The following C10orf90 variants were observed in gnomAD, a reference collection of about 807,000 sequenced individuals.
C10orf90 encodes (E2-independent) E3 ubiquitin-conjugating enzyme FATS.
A neutral mutation model predicts 62.5 loss-of-function variants in C10orf90; 56 were observed. The observed-to-expected ratio is 0.90, with a 90% confidence interval of 0.72 to 1.12. The LOEUF (loss-of-function observed/expected upper bound fraction) is 1.12, where lower values mean the gene tolerates loss of function less well. C10orf90 is among the 50% of genes most tolerant of loss of function. The pLI, the probability that C10orf90 is intolerant of heterozygous loss-of-function variation, is 0.00. For missense variants in C10orf90, 970 were observed against 880.4 expected, an observed-to-expected ratio of 1.10 and a Z score of -1.29; for synonymous variants, 386 against 340.4, an observed-to-expected ratio of 1.13 and a Z score of -1.47.
chr10:126,608,963 T>C (rs1263597321), intron 2 of C10orf90, among the ~76,000 whole-genome samples: 1 of 152,188 alleles, frequency 6.6e-6, no homozygotes, highest in Non-Finnish European at 1.5e-5. Context: ...TTAAAGAGTA[T>C]ATAGGAGTTC....
intron 2 of C10orf90, among the ~76,000 whole-genome samples, chr10:126,642,363 T>C (rs1846079645): frequency 6.6e-6 from 1 of 151,994 alleles, no homozygotes; most frequent in South Asian, 2.1e-4. Context: ...AAACCCCGTC[T>C]CTACTAAAAA....
At chr10:126,475,080 T>A (rs1860786536) in intron 4 of C10orf90, among the ~76,000 whole-genome samples, 1 of 152,214 alleles carries the variant, frequency 6.6e-6, no homozygotes, top group African/African-American at 2.4e-5. Context: ...ATGTCACCTG[T>A]GCTGAGCAGT....
chr10:126,433,511 A>G (rs1205316491), intron 7 of C10orf90, among the ~76,000 whole-genome samples: 1 of 152,136 alleles, frequency 6.6e-6, no homozygotes, highest in Non-Finnish European at 1.5e-5. Flanking sequence ...ACCTGCCTGC[A>G]GCAAGAGATG....
At chr10:126,628,015 T>TA (rs912652473) in intron 2 of C10orf90, among the ~76,000 whole-genome samples, 12 of 152,066 alleles carry the variant, frequency 7.9e-5, no homozygotes, top group African/African-American at 2.9e-4. Flanking sequence ...AAGTGTCTCT[T>TA]AAAAAAAAGT....
intron 4 of C10orf90, among the ~76,000 whole-genome samples, chr10:126,500,628 T>C (rs1591021045): frequency 6.6e-6 from 1 of 152,046 alleles, no homozygotes; most frequent in Non-Finnish European, 1.5e-5. Context: ...TGCTTACCAG[T>C]AGTAGAGATG....
intron 7 of C10orf90, among the ~76,000 whole-genome samples, chr10:126,458,201 T>C (rs755239270): frequency 5.3e-5 from 8 of 152,184 alleles, no homozygotes; most frequent in African/African-American, 1.9e-4. Flanking sequence ...CTGCACTTTA[T>C]TGAACATGGT....
intron 2 of C10orf90, among the ~76,000 whole-genome samples, chr10:126,573,856 C>G (rs528578075): frequency 5.1e-4 from 77 of 152,140 alleles, no homozygotes; most frequent in South Asian, 2.5e-3. Flanking sequence ...CCTGCATAAA[C>G]AGTGGCTACT....
chr10:126,662,202 T>A (rs915067107), intron 1 of C10orf90, among the ~76,000 whole-genome samples: 1 of 152,176 alleles, frequency 6.6e-6, no homozygotes, highest in South Asian at 2.1e-4. Flanking sequence ...AGGGTAGCCT[T>A]TACTGAGGCT....
At chr10:126,444,878 G>A (rs1247043370) in intron 7 of C10orf90, among the ~76,000 whole-genome samples, 1 of 152,008 alleles carries the variant, frequency 6.6e-6, no homozygotes, top group Non-Finnish European at 1.5e-5. Context: ...AATACTTACA[G>A]CCACTGATCT....
intron 2 of C10orf90, among the ~76,000 whole-genome samples, chr10:126,582,632 T>A (rs1844777510): frequency 6.6e-6 from 1 of 152,178 alleles, no homozygotes. Flanking sequence ...GGCAAATATA[T>A]AACAATGTAA....
chr10:126,620,745 A>G (rs1845628976), intron 2 of C10orf90, among the ~76,000 whole-genome samples: 1 of 121,176 alleles, frequency 8.3e-6, no homozygotes, highest in Non-Finnish European at 1.9e-5. Context: ...GGGGGCTAGA[A>G]AAAAAAAAAA....
intron 7 of C10orf90, among the ~76,000 whole-genome samples, chr10:126,447,821 T>C (rs1025014435): frequency 3.1e-5 from 4 of 128,446 alleles, no homozygotes; most frequent in Non-Finnish European, 4.8e-5. Flanking sequence ...ATAGAAATCA[T>C]ATCAAGTATC....
In C10orf90 at chr10:126,500,605, G is replaced by A. The variant is rs752222421; in HGVS notation, c.1534+3352C>T. 2.0e-5 allele frequency among the ~76,000 whole-genome samples: 3 copies of A among 152,060 alleles called. No homozygotes were observed. The South Asian group carries it at 6.2e-4, about 32-fold the overall frequency. On this transcript the variant is annotated intron_variant, in intron 4 of 9. Transcript: ENST00000488181. ...AGATTTGCCCAATGCCCACCTACTT[G>A]GTGCTATCTGAATGCTTACCAGTAG... is the stretch of plus-strand genomic sequence containing the variant.
chr10:126,496,724 T>C, intron 4 of C10orf90: 1 of 985,158 alleles, frequency 1.0e-6, no homozygotes, highest in Non-Finnish European at 1.2e-6. Context: ...AATATGGGGA[T>C]GGGGAAAGGT....
At chr10:126,657,751 G>A (rs975943381) in intron 1 of C10orf90, among the ~76,000 whole-genome samples, 1 of 151,936 alleles carries the variant, frequency 6.6e-6, no homozygotes, top group African/African-American at 2.4e-5. Flanking sequence ...GAGTAGCTGG[G>A]ATTACAGGCT....
intron 2 of C10orf90, among the ~76,000 whole-genome samples, chr10:126,622,630 C>T (rs935114875): frequency 6.6e-6 from 1 of 152,204 alleles, no homozygotes; most frequent in Non-Finnish European, 1.5e-5. Context: ...TTGAGGACCC[C>T]TCCTTTATGA....
At chr10:126,574,731 C>T (rs1325429428) in intron 2 of C10orf90, among the ~76,000 whole-genome samples, 2 of 151,958 alleles carry the variant, frequency 1.3e-5, no homozygotes, top group Non-Finnish European at 2.9e-5. Context: ...CATTTATGAA[C>T]TTTTTAAAAA....
At position 126,453,808 on chromosome 10, in the gene C10orf90, G is replaced by T. The variant is rs1054735631; in HGVS notation, c.2188+5232C>A. ...GCTGGACTTGAGAGGGGCTTGCAAG[G>T]TTAGGCAGGATTTTATAGCACAGAG... On this transcript the variant is annotated intron_variant, in intron 7 of 9. Coordinates refer to ENST00000488181, the MANE Select transcript of C10orf90 (RefSeq NM_001350921.2). This position sits in a 1 kb window ranked among gnomAD's most constrained non-coding sequence, Gnocchi z 4.9. Among the ~76,000 whole-genome samples the T allele has an allele frequency of 3.3e-5, 5 of 152,180 alleles. No individual in the cohort carries two copies. Among genetic ancestry groups the T allele is most frequent in the Admixed American group, 6.5e-5 (1 of 15,280 alleles).
rs74931011 is a variant in C10orf90, at chr10:126,469,906, G to A, written c.1535-4920C>T. 1.6e-3 allele frequency: 734 copies of A among 456,764 alleles called. 5 individuals are homozygous for A. Among genetic ancestry groups the A allele is most frequent in the African/African-American group, 0.013 (635 of 50,210 alleles). 28.3% of individuals were successfully genotyped at this position (456,764 alleles called of 1,614,324 possible). On this transcript the variant is annotated intron_variant, in intron 4 of 9. Transcript: ENST00000488181. Reference sequence around the variant, plus strand: ...CCTTTGCTGTCTCCTTTTGGCAAGCGAGAGGCTGCTGCAGAGGGGAAGGAA... The same window carrying A: ...CCTTTGCTGTCTCCTTTTGGCAAGCAAGAGGCTGCTGCAGAGGGGAAGGAA...
Sources: gnomAD v4.1 joint callset for allele counts (sites outside exome capture counted in the v4.1 genomes callset) on GRCh38, gnomAD v4.1.1 for gene constraint, Gnocchi (gnomAD v3.1) non-coding constraint, MANE v1.5 for transcripts, NCBI Gene and HGNC (gene_info 2026-07-23, HGNC 2026-07-21) for gene names.